LHX8: variants seen among roughly 807,000 people sequenced by gnomAD.
LHX8 encodes LIM homeobox 8, also known as LIM/homeobox protein Lhx8.
In LHX8, 12 loss-of-function variants were observed where a neutral mutation model predicts 40.3. The ratio of observed to expected loss-of-function variants is 0.30; its 90% CI spans 0.19 to 0.48. LHX8 has a LOEUF of 0.48. Among genes scored for constraint, LHX8 ranks in the 20% least tolerant of loss-of-function variants. LHX8 has a pLI of 0.99. For synonymous variants in LHX8, 179 were observed against 162.0 expected (o/e 1.10, Z -0.80); for missense variants, 344 against 433.7 (o/e 0.79, Z 1.84).
In LHX8 at chr1:75,161,023, T is replaced by C; in HGVS notation, c.*128T>C. On this transcript the variant is annotated 3_prime_UTR_variant, in exon 9 of 9. Transcript: ENST00000356261. ...TAAAGCATTTCCAACATCACTTTGC[T>C]GCCCAGGTATGTATCTATAGTTGGC... 1 of 721,238 alleles carries C rather than the reference T, an allele frequency of 1.4e-6. No homozygotes were observed. The highest frequency in any genetic ancestry group is 2.1e-5 in the Admixed American group (1 of 47,788). 44.7% of individuals were successfully genotyped at this position (721,238 alleles called of 1,614,324 possible).
chr1:75,138,423 A>G (rs911113531), intron 3 of LHX8, among the ~76,000 whole-genome samples: 2 of 152,180 alleles, frequency 1.3e-5, no homozygotes, highest in Admixed American at 6.5e-5. Context: ...ACCTAGAGAA[A>G]ATGCCAGAAG....
At chr1:75,150,196 C>G (rs1205972389) in intron 7 of LHX8, among the ~76,000 whole-genome samples, 1 of 152,158 alleles carries the variant, frequency 6.6e-6, no homozygotes, top group Admixed American at 6.5e-5. Flanking sequence ...CATGATAGTA[C>G]CACTGCACTC....
At chr1:75,157,982 C>G (rs1557495646) in intron 8 of LHX8, among the ~76,000 whole-genome samples, 1 of 152,170 alleles carries the variant, frequency 6.6e-6, no homozygotes, top group Non-Finnish European at 1.5e-5. Context: ...GTCATTCTGA[C>G]AGATAGTTTT....
chr1:75,137,290 A>G (rs1312437209), intron 3 of LHX8, 29 bp downstream of exon 3: 5 of 1,605,702 alleles, frequency 3.1e-6, no homozygotes, highest in Non-Finnish European at 4.3e-6. Context: ...TGCGAGGCCC[A>G]AGGGGAGCGG....
At chr1:75,154,322 C>T (rs573518025) in intron 7 of LHX8, among the ~76,000 whole-genome samples, 1 of 151,828 alleles carries the variant, frequency 6.6e-6, no homozygotes, top group African/African-American at 2.4e-5. Flanking sequence ...TTCCAAGAAG[C>T]TGCTTAACAA....
chr1:75,163,949 T>A (rs1479896506), downstream of LHX8, among the ~76,000 whole-genome samples: 2 of 152,218 alleles, frequency 1.3e-5, no homozygotes, highest in African/African-American at 4.8e-5. Context: ...CTATGAGGAC[T>A]GGGTCCTCAC....
At chr1:75,178,183 G>T in the LHX8 span, among the ~76,000 whole-genome samples, 2 of 152,178 alleles carry the variant, frequency 1.3e-5, no homozygotes, top group African/African-American at 4.8e-5. Context: ...TATTATACCG[G>T]CTTCATAAAA....
chr1:75,162,267 A>C (rs866310435), downstream of LHX8, among the ~76,000 whole-genome samples: 1 of 151,228 alleles, frequency 6.6e-6, no homozygotes, highest in African/African-American at 2.4e-5. Flanking sequence ...TTTTTTTTTA[A>C]ACCGGCTACT....
chr1:75,164,121 G>T (rs1051228765), downstream of LHX8, among the ~76,000 whole-genome samples: 1 of 152,190 alleles, frequency 6.6e-6, no homozygotes, highest in Non-Finnish European at 1.5e-5. Flanking sequence ...AATTTTATTA[G>T]ATAAATAGGT....
At chr1:75,143,989 C>G (rs1457675596) in intron 6 of LHX8, 41 bp downstream of exon 6, 1 of 1,538,178 alleles carries the variant, frequency 6.5e-7, no homozygotes, top group Non-Finnish European at 9.0e-7. Context: ...AAGCCCCTCC[C>G]AACCAAAAAA....
chr1:75,171,278 T>G, the LHX8 span, among the ~76,000 whole-genome samples: 203 of 152,248 alleles, frequency 1.3e-3, no homozygotes, highest in African/African-American at 4.4e-3. Flanking sequence ...ATCATTTGAG[T>G]GAGTACACTT....
At chr1:75,169,872 A>C in the LHX8 span, among the ~76,000 whole-genome samples, 2 of 152,312 alleles carry the variant, frequency 1.3e-5, no homozygotes, top group South Asian at 4.1e-4. Flanking sequence ...GGCACCACAA[A>C]TGTGGAGGGG....
At chr1:75,195,751 CCT>C in the LHX8 span, among the ~76,000 whole-genome samples, 7 of 151,818 alleles carry the variant, frequency 4.6e-5, no homozygotes, top group Non-Finnish European at 1.0e-4. Flanking sequence ...CTCTCTCTCC[CCT>C]CTCTCCCTCT....
At chr1:75,166,615 C>A in the LHX8 span, among the ~76,000 whole-genome samples, 1 of 152,174 alleles carries the variant, frequency 6.6e-6, no homozygotes, top group Non-Finnish European at 1.5e-5. Flanking sequence ...CAAATTTCAT[C>A]TTTGGTTGAA....
chr1:75,134,821 A>ATTTTTT lies in LHX8; in HGVS notation c.-139_-134dup. 1.5e-6 allele frequency: 1 copy of ATTTTTT among 647,790 alleles called. No homozygotes were observed. Among genetic ancestry groups the ATTTTTT allele is most frequent in the African/African-American group, 2.0e-5 (1 of 50,654 alleles). 40.1% of individuals were successfully genotyped at this position (647,790 alleles called of 1,614,324 possible). A position where few individuals can be genotyped will look rare whatever the true frequency, so the allele number is the denominator to read the frequency against. On this transcript the variant is annotated 5_prime_UTR_variant, in exon 1 of 9. Coordinates refer to ENST00000356261, the MANE Select transcript of LHX8 (RefSeq NM_001256114.2). ...AACGGCCTCATCTTCAGACCTGGCA[A>ATTTTTT]TTTTTTTTTTTTATTACGTAGTAGC... is the stretch of plus-strand genomic sequence containing the variant.
At chr1:75,189,785 T>C in the LHX8 span, among the ~76,000 whole-genome samples, 4 of 152,362 alleles carry the variant, frequency 2.6e-5, no homozygotes, top group East Asian at 3.9e-4. Context: ...TCTATCATTG[T>C]GTTCTCCCTC....
At chr1:75,146,049 T>C (rs913459369) in intron 6 of LHX8, among the ~76,000 whole-genome samples, 2 of 152,178 alleles carry the variant, frequency 1.3e-5, no homozygotes, top group Admixed American at 1.3e-4. Context: ...AGTGGTTCTT[T>C]ATAATTTAGG....
intron 7 of LHX8, among the ~76,000 whole-genome samples, chr1:75,155,378 G>A (rs1363358570): frequency 6.6e-6 from 1 of 151,888 alleles, no homozygotes; most frequent in African/African-American, 2.4e-5. Context: ...GGGACTACAG[G>A]CACCCGCCAC....
the LHX8 span, among the ~76,000 whole-genome samples, chr1:75,181,553 A>C: frequency 6.6e-6 from 1 of 152,184 alleles, no homozygotes. Context: ...GACCATTGGA[A>C]AAGCGCAGTG....
Sources: gnomAD v4.1 joint callset for allele counts (sites outside exome capture counted in the v4.1 genomes callset) on GRCh38, gnomAD v4.1.1 for gene constraint, MANE v1.5 for transcripts, NCBI Gene and HGNC (gene_info 2026-07-23, HGNC 2026-07-21) for gene names.